FRMPD4: variants seen among roughly 807,000 people sequenced by gnomAD.
FRMPD4 encodes FERM and PDZ domain containing 4, also known as FERM and PDZ domain-containing protein 4.
Under a neutral mutation model 94.1 loss-of-function variants are expected in FRMPD4, and 22 were observed. The observed-to-expected ratio is 0.23, with a 90% CI of 0.17 to 0.33. The LOEUF is 0.33. Among genes scored for constraint, FRMPD4 ranks in the 10% least tolerant of loss-of-function variants. The pLI, the probability that FRMPD4 is intolerant of heterozygous loss-of-function variation, is 1.00. For synonymous variants in FRMPD4, 631 were observed against 548.6 expected (o/e 1.15, Z -2.10); for missense variants, 1,111 against 1,339.9 (o/e 0.83, Z 2.67).
At chrX:12,691,327 G>C (rs2060078901) in intron 8 of FRMPD4, among the ~76,000 whole-genome samples, 1 of 110,426 alleles carries the variant, frequency 9.1e-6, no homozygotes, top group African/African-American at 3.3e-5. Context: ...CTGCTGCCCA[G>C]AGTGGAGTGC....
chrX:11,851,851 G>T (rs756002631), intron 1 of FRMPD4, among the ~76,000 whole-genome samples: 1 of 108,191 alleles, frequency 9.2e-6, no homozygotes, highest in South Asian at 4.1e-4. Flanking sequence ...TTTAGCTTTG[G>T]TATGATGACA....
chrX:12,183,778 A>G (rs2056390861), intron 1 of FRMPD4, among the ~76,000 whole-genome samples: 1 of 111,127 alleles, frequency 9.0e-6, no homozygotes, highest in Non-Finnish European at 1.9e-5. Context: ...TTTTTAAGAC[A>G]TACACACCAG....
chrX:12,444,231 T>G (rs1019755918), intron 1 of FRMPD4, among the ~76,000 whole-genome samples: 1 of 110,963 alleles, frequency 9.0e-6, no homozygotes, highest in African/African-American at 3.3e-5. Flanking sequence ...AAAGCTGAGG[T>G]TTTCTAAGGA....
At chrX:12,455,380 AAAT>A (rs751464656) in intron 1 of FRMPD4, among the ~76,000 whole-genome samples, 5 of 111,824 alleles carry the variant, frequency 4.5e-5, no homozygotes, top group Non-Finnish European at 5.6e-5. Flanking sequence ...TGTTTAATTA[AAAT>A]AATGGTAATC....
chrX:12,473,630 C>A (rs1365697491), intron 1 of FRMPD4, among the ~76,000 whole-genome samples: 4 of 109,009 alleles, frequency 3.7e-5, no homozygotes, highest in Non-Finnish European at 7.6e-5. Flanking sequence ...ATCTACCAAG[C>A]AAATGGAAAA....
intron 1 of FRMPD4, among the ~76,000 whole-genome samples, chrX:12,458,748 T>C (rs185918499): frequency 3.6e-4 from 40 of 111,768 alleles, no homozygotes; most frequent in African/African-American, 1.3e-3. Flanking sequence ...TCCACGACTT[T>C]GGTCGAAGAA....
At chrX:12,272,318 T>C (rs2054366805) in intron 1 of FRMPD4, among the ~76,000 whole-genome samples, 1 of 110,862 alleles carries the variant, frequency 9.0e-6, no homozygotes, top group South Asian at 3.9e-4. Context: ...GGAGAAGTAT[T>C]GAGGATAAAG....
intron 1 of FRMPD4, among the ~76,000 whole-genome samples, chrX:11,842,834 A>G (rs1041222723): frequency 9.5e-5 from 10 of 105,315 alleles, no homozygotes; most frequent in Non-Finnish European, 1.7e-4. Context: ...GCCAGTTTTC[A>G]TAGGGAATGC....
intron 2 of FRMPD4, among the ~76,000 whole-genome samples, chrX:12,566,179 T>C (rs1250513991): frequency 9.0e-6 from 1 of 111,461 alleles, no homozygotes; most frequent in Non-Finnish European, 1.9e-5. Flanking sequence ...GAATTATGAT[T>C]AAAGAGATAA....
At position 12,630,389 on chromosome X, in the gene FRMPD4, G is replaced by T. The variant is rs115162437; in HGVS notation, c.422+15508G>T. ...AATAAAATGTTATTTACAGAAATGG[G>T]GATGGGGAGAGGGCAAATTTAGCCC... On this transcript the variant is annotated intron_variant, in intron 4 of 16. Transcript: ENST00000675598. Among the ~76,000 whole-genome samples, 497 of 112,240 alleles carry T rather than the reference G, an allele frequency of 4.4e-3. 3 individuals carry two copies. Among genetic ancestry groups the T allele is most frequent in the African/African-American group, 0.016 (484 of 30,947 alleles).
At chrX:12,337,870 A>G (rs984278193) in intron 1 of FRMPD4, among the ~76,000 whole-genome samples, 2 of 112,688 alleles carry the variant, frequency 1.8e-5, no homozygotes, top group Non-Finnish European at 3.7e-5. Flanking sequence ...TACTTGTCTC[A>G]GTCCATTTAA....
chrX:12,697,613 CA>C (rs2060146770), intron 9 of FRMPD4, among the ~76,000 whole-genome samples: 1 of 112,232 alleles, frequency 8.9e-6, no homozygotes, highest in African/African-American at 3.2e-5. Flanking sequence ...CAGCTAAACC[CA>C]GTTCTGTTTA....
intron 3 of FRMPD4, among the ~76,000 whole-genome samples, chrX:12,002,265 T>C (rs1032763351): frequency 1.8e-5 from 2 of 111,806 alleles, no homozygotes; most frequent in Non-Finnish European, 3.8e-5. Context: ...AAATGATATA[T>C]AGGAGCAATA....
At chrX:12,693,358 CTAT>C (rs985669295) in intron 8 of FRMPD4, among the ~76,000 whole-genome samples, 8 of 111,621 alleles carry the variant, frequency 7.2e-5, no homozygotes, top group Admixed American at 3.8e-4. Flanking sequence ...TATTAAACAC[CTAT>C]TATTATTTAT....
chrX:12,489,403 T>C (rs1451572254), intron 1 of FRMPD4, among the ~76,000 whole-genome samples: 1 of 112,559 alleles, frequency 8.9e-6, no homozygotes, highest in Non-Finnish European at 1.9e-5. Flanking sequence ...GAATATTTCG[T>C]ATACATGTTC....
intron 2 of FRMPD4, among the ~76,000 whole-genome samples, chrX:12,539,765 C>A (rs1193600250): frequency 9.0e-6 from 1 of 110,880 alleles, no homozygotes; most frequent in Non-Finnish European, 1.9e-5. Flanking sequence ...TCCCTAGTAG[C>A]TGCGACTACA....
At chrX:12,103,014 G>T (rs745612775) in intron 3 of FRMPD4, among the ~76,000 whole-genome samples, 1 of 111,165 alleles carries the variant, frequency 9.0e-6, no homozygotes, top group Non-Finnish European at 1.9e-5. Context: ...TGATTTATAC[G>T]TGAGAATGGG....
At chrX:11,870,930 T>G (rs766211289) in intron 2 of FRMPD4, among the ~76,000 whole-genome samples, 68 of 112,179 alleles carry the variant, frequency 6.1e-4, no homozygotes, top group African/African-American at 2.2e-3. Flanking sequence ...TAACTCTGCT[T>G]ATATGAAGCT....
At chrX:12,426,729 GAA>G (rs1294910990) in intron 1 of FRMPD4, among the ~76,000 whole-genome samples, 9 of 111,456 alleles carry the variant, frequency 8.1e-5, no homozygotes, top group African/African-American at 2.3e-4. Context: ...GCTTGCTCAT[GAA>G]GAACACTCCT....
Sources: allele counts gnomAD v4.1 joint callset (sites outside exome capture counted in the v4.1 genomes callset), GRCh38; gene constraint gnomAD v4.1.1; transcripts MANE v1.5; gene names NCBI Gene and HGNC (gene_info 2026-07-23, HGNC 2026-07-21).